Variants in FLNB observed in about 807,000 individuals in gnomAD.
The protein encoded by FLNB is filamin-B.
FLNB carries 111 observed loss-of-function variants against 250.6 expected under a neutral mutation model. The ratio of observed to expected loss-of-function variants is 0.44; its 90% CI spans 0.38 to 0.52. The LOEUF (loss-of-function observed/expected upper bound fraction) is 0.52. FLNB is among the 20% of genes least tolerant of loss of function. The pLI, the probability that FLNB is intolerant of heterozygous loss-of-function variation, is 0.00. For synonymous variants in FLNB, 1,302 were observed against 1,372.1 expected, an observed-to-expected ratio of 0.95 and a Z score of 1.13; for missense variants, 2,869 against 3,447.8, an observed-to-expected ratio of 0.83 and a Z score of 4.20.
At position 58,142,001 on chromosome 3, in the gene FLNB, G is replaced by T; in HGVS notation, c.5181+72G>T. On this transcript the variant is annotated intron_variant, in intron 30 of 45. Transcript: ENST00000295956. This position sits in a 1 kb window ranked among gnomAD's most constrained non-coding sequence, Gnocchi z 4.3. Reference sequence around the variant, plus strand: ...CTTCATTTCAGAAAATCTGCCATCTGCTTCTGGGATTGCTTAAGCCCTGTG... The same window carrying T: ...CTTCATTTCAGAAAATCTGCCATCTTCTTCTGGGATTGCTTAAGCCCTGTG... 7.5e-7 allele frequency: 1 copy of T among 1,341,596 alleles called. No homozygotes were observed. The highest frequency in any genetic ancestry group is 1.2e-5 in the South Asian group (1 of 85,376). The allele number at this position is 1,341,596 out of a possible 1,614,324, so 83.1% of individuals were successfully genotyped here.
intron 4 of FLNB, among the ~76,000 whole-genome samples, chr3:58,090,959 T>G (rs984809266): frequency 3.3e-5 from 5 of 151,898 alleles, no homozygotes; most frequent in African/African-American, 1.2e-4. Context: ...GTGCCTGTAG[T>G]CCCAGCTACT....
At chr3:58,133,435 T>C (rs9858468) in intron 26 of FLNB, among the ~76,000 whole-genome samples, 50,684 of 106,932 alleles carry the variant, frequency 0.47, 14,037 homozygotes, top group East Asian at 0.97. Context: ...CTGACATCTC[T>C]GGAAAAAAAA....
At chr3:58,105,924 G>T (rs1326193217) in intron 11 of FLNB, among the ~76,000 whole-genome samples, 1 of 152,196 alleles carries the variant, frequency 6.6e-6, no homozygotes, top group Non-Finnish European at 1.5e-5. Flanking sequence ...GAGATGATAT[G>T]AATCGTCTTG....
chr3:58,083,803 T>C (rs1311910618), intron 4 of FLNB, among the ~76,000 whole-genome samples: 1 of 152,202 alleles, frequency 6.6e-6, no homozygotes, highest in Non-Finnish European at 1.5e-5. Flanking sequence ...TTGTGAGGTG[T>C]GTGAGACATC....
intron 4 of FLNB, among the ~76,000 whole-genome samples, chr3:58,091,975 C>T (rs939341911): frequency 6.6e-6 from 1 of 152,142 alleles, no homozygotes; most frequent in Non-Finnish European, 1.5e-5. Flanking sequence ...AATTTGCAAA[C>T]CATATGTCCA....
intron 22 of FLNB, 109 bp from the exon 23 acceptor site, chr3:58,125,472 G>A: frequency 1.6e-6 from 2 of 1,264,976 alleles, no homozygotes; most frequent in Admixed American, 1.8e-5. Context: ...AAATAACATA[G>A]TATAGCATGC....
At chr3:58,151,073 A>G (rs1472622147) in intron 38 of FLNB, 2 of 152,326 alleles carry the variant, frequency 1.3e-5, no homozygotes, top group Admixed American at 6.5e-5. Context: ...TCATTACTGT[A>G]GAGTTCAGAC....
chr3:58,153,702 G>A, intron 39 of FLNB, 61 bp downstream of exon 39: 1 of 1,591,838 alleles, frequency 6.3e-7, no homozygotes, highest in Non-Finnish European at 8.6e-7. Flanking sequence ...GGCAGTGTGG[G>A]CACCCACATA....
intron 6 of FLNB, 47 bp from the exon 7 acceptor site, chr3:58,097,768 G>A: frequency 6.3e-7 from 1 of 1,581,658 alleles, no homozygotes; most frequent in Non-Finnish European, 8.7e-7. Flanking sequence ...AGTCTTGCTG[G>A]GCACAGAGAA....
Position 58,169,621 on chromosome 3 carries a change from C to T in FLNB, c.7449C>T (p.Asn2483=), listed in dbSNP as rs201257749. 2.0e-5 allele frequency: 32 copies of T among 1,614,008 alleles called. 1 individual carries two copies. The highest frequency in any genetic ancestry group is 1.7e-4 in the Admixed American group (10 of 60,010). ...GQRLVSPGSA[N]ETSSILVESV... The stretch of plus-strand genomic sequence containing the variant: ...GTCTAGTTAGCCCTGGCTCAGCCAA[C>T]GAGACCTCATCCATCCTGGTGGAGT... The change falls in exon 45 of 46, where the codon AAC becomes AAT. Residue 2483 remains asparagine, a synonymous_variant. Transcript: ENST00000295956. The surrounding 1 kb of genome is among the most constrained non-coding windows in gnomAD (Gnocchi z 4.8).
Position 58,130,722 on chromosome 3 carries a change from C to T in FLNB, c.4223-19C>T. 1 of 1,608,866 alleles carries T rather than the reference C, an allele frequency of 6.2e-7. No individual in the cohort carries two copies. The highest frequency in any genetic ancestry group is 8.5e-7 in the Non-Finnish European group (1 of 1,177,396). ...CCAATTCCCAGCTTGTGCTCAGAAT[C>T]CCACAACCTCTCTTCCAGGCAGCCC... is the stretch of plus-strand genomic sequence containing the variant. On this transcript the variant is annotated intron_variant, in intron 24 of 45. Coordinates refer to ENST00000295956, the MANE Select transcript of FLNB (RefSeq NM_001457.4).
chr3:58,142,016 T>A lies in FLNB; in HGVS notation c.5181+87T>A. On this transcript the variant is annotated intron_variant, in intron 30 of 45. Coordinates refer to ENST00000295956, the MANE Select transcript of FLNB (RefSeq NM_001457.4). The surrounding 1 kb of genome is among the most constrained non-coding windows in gnomAD (Gnocchi z 4.3). ...TCTGCCATCTGCTTCTGGGATTGCT[T>A]AAGCCCTGTGGGTGTCCTGGTCATT... 1 of 1,158,688 alleles carries A rather than the reference T, an allele frequency of 8.6e-7. No individual in the cohort carries two copies. Among genetic ancestry groups the A allele is most frequent in the Non-Finnish European group, 1.3e-6 (1 of 767,266 alleles). 71.8% of individuals were successfully genotyped at this position (1,158,688 alleles called of 1,614,324 possible). A position where few individuals can be genotyped will look rare whatever the true frequency, so the allele number is the denominator to read the frequency against.
intron 11 of FLNB, among the ~76,000 whole-genome samples, chr3:58,106,283 C>T (rs542953463): frequency 6.2e-4 from 93 of 151,168 alleles, no homozygotes; most frequent in African/African-American, 2.2e-3. Flanking sequence ...GCCACATCTC[C>T]AACAGAAGGG....
At chr3:58,099,807 T>C (rs2097246361) in intron 8 of FLNB, among the ~76,000 whole-genome samples, 1 of 152,190 alleles carries the variant, frequency 6.6e-6, no homozygotes, top group African/African-American at 2.4e-5. Flanking sequence ...GGGCCCGTGT[T>C]CTGTGTGATT....
chr3:58,070,854 G>A (rs983741983), intron 1 of FLNB, among the ~76,000 whole-genome samples: 8 of 151,478 alleles, frequency 5.3e-5, no homozygotes, highest in African/African-American at 1.9e-4. Flanking sequence ...GTTTCACCAT[G>A]TTGGCCAGGA....
chr3:58,069,074 C>T (rs1250680155), intron 1 of FLNB, among the ~76,000 whole-genome samples: 1 of 148,040 alleles, frequency 6.8e-6, no homozygotes, highest in Non-Finnish European at 1.5e-5. Context: ...GCCCAGGAGG[C>T]GGATGTTGCA....
chr3:58,157,783 A>G (rs1374475162), intron 41 of FLNB, among the ~76,000 whole-genome samples: 3 of 152,228 alleles, frequency 2.0e-5, no homozygotes, highest in Non-Finnish European at 4.4e-5. Context: ...GATTCTGTCT[A>G]AAAGGAGCTG....
At chr3:58,016,926 T>C (rs560364893) in intron 1 of FLNB, among the ~76,000 whole-genome samples, 3 of 152,362 alleles carry the variant, frequency 2.0e-5, no homozygotes, top group African/African-American at 7.2e-5. Flanking sequence ...ACATTACTGT[T>C]GTAAATCTAG....
intron 11 of FLNB, 95 bp from the exon 12 acceptor site, chr3:58,106,585 G>A (rs932418998): frequency 8.6e-7 from 1 of 1,168,580 alleles, no homozygotes; most frequent in Non-Finnish European, 1.3e-6. Flanking sequence ...GCCAACACTT[G>A]GCTTTTAGGG....
Sources: allele counts gnomAD v4.1 joint callset (sites outside exome capture counted in the v4.1 genomes callset), GRCh38; gene constraint gnomAD v4.1.1; non-coding constraint Gnocchi (gnomAD v3.1); transcripts MANE v1.5; gene names NCBI Gene and HGNC (gene_info 2026-07-23, HGNC 2026-07-21).